The following PDSS1 variants were observed in gnomAD, a reference collection of about 807,000 sequenced individuals.
PDSS1 encodes the protein decaprenyl diphosphate synthase subunit 1, also known as all trans-polyprenyl-diphosphate synthase PDSS1.
Under a neutral mutation model 57.5 loss-of-function variants are expected in PDSS1, and 43 were observed. The ratio of observed to expected loss-of-function variants is 0.75; its 90% CI spans 0.59 to 0.96. The LOEUF (loss-of-function observed/expected upper bound fraction) is 0.96, where lower values mean the gene tolerates loss of function less well. Ranked by LOEUF, PDSS1 falls within the 50% of genes least tolerant of loss-of-function variation. The pLI, the probability that PDSS1 is intolerant of heterozygous loss-of-function variation, is 0.00. For synonymous variants in PDSS1, 175 were observed against 191.3 expected, an observed-to-expected ratio of 0.91 and a Z score of 0.70; for missense variants, 438 against 527.8, an observed-to-expected ratio of 0.83 and a Z score of 1.67.
In PDSS1 at chr10:26,735,125, AGT is replaced by A. The variant is rs1443547972; in HGVS notation, c.832-110_832-109del. On this transcript the variant is annotated intron_variant, in intron 8 of 11. Coordinates refer to ENST00000376215, the MANE Select transcript of PDSS1 (RefSeq NM_014317.5). ...GTCCCTCTGATGTCAGCATCTCCTG[AGT>A]GTGTATAATCTAGCCCCGCTGCCTC... The A allele has an allele frequency of 1.7e-5, 13 of 777,662 alleles. No homozygotes were observed. In the East Asian group the frequency reaches 2.4e-4, roughly 15 times the overall value. 48.2% of individuals were successfully genotyped at this position (777,662 alleles called of 1,614,324 possible).
chr10:26,706,230 T>C (rs1405435466), intron 4 of PDSS1, among the ~76,000 whole-genome samples: 1 of 152,166 alleles, frequency 6.6e-6, no homozygotes, highest in Non-Finnish European at 1.5e-5. Flanking sequence ...GATCCCGCCA[T>C]TGCACTCCAG....
rs1677729 is a variant in PDSS1, at chr10:26,705,032, G to A, written c.228-254G>A. Among the ~76,000 whole-genome samples, 114,165 of 151,794 alleles carry A rather than the reference G, an allele frequency of 0.75. 43,247 individuals are homozygous for A. The highest frequency in any genetic ancestry group is 1 in the East Asian group (5,162 of 5,182). On this transcript the variant is annotated intron_variant, in intron 3 of 11. Transcript: ENST00000376215. The stretch of plus-strand genomic sequence containing the variant: ...TAATAAAGTTTGAGCTCAACCCAGA[G>A]CACAATGAACATAGTTTAGTTTTTC...
intron 5 of PDSS1, chr10:26,715,742 G>A (rs1835552931): frequency 6.6e-6 from 1 of 152,188 alleles, no homozygotes; most frequent in African/African-American, 2.4e-5. Context: ...AGAACTGAAT[G>A]CTGGTTAGTC....
intron 10 of PDSS1, 29 bp downstream of exon 10, chr10:26,735,608 T>A (rs1343691002): frequency 8.2e-7 from 1 of 1,219,248 alleles, no homozygotes; most frequent in Non-Finnish European, 1.2e-6. Flanking sequence ...CTTTGACACA[T>A]CACTGCATAG....
chr10:26,741,156 A>G (rs552711900), intron 10 of PDSS1, among the ~76,000 whole-genome samples: 1 of 152,256 alleles, frequency 6.6e-6, no homozygotes, highest in Admixed American at 6.5e-5. Flanking sequence ...CAGTATAACC[A>G]AAGTCTCTGG....
intron 11 of PDSS1, among the ~76,000 whole-genome samples, 195 bp downstream of exon 11, chr10:26,742,772 C>T (rs1416637306): frequency 1.3e-5 from 2 of 151,908 alleles, no homozygotes; most frequent in African/African-American, 2.4e-5. Context: ...AGACTACTTA[C>T]GAAATGTTTT....
intron 8 of PDSS1, 62 bp downstream of exon 8, chr10:26,724,185 T>A (rs900323696): frequency 8.7e-7 from 1 of 1,149,798 alleles, no homozygotes. Flanking sequence ...GAGCTAATTT[T>A]CCTAGAAAAT....
intron 2 of PDSS1, 56 bp from the exon 3 acceptor site, chr10:26,704,621 A>G (rs1026771055): frequency 2.0e-5 from 16 of 810,396 alleles, no homozygotes; most frequent in African/African-American, 5.0e-5. Context: ...TTATCATCCA[A>G]TGTTACAGTT....
At chr10:26,702,618 C>T (rs936382752) in intron 2 of PDSS1, among the ~76,000 whole-genome samples, 5 of 152,212 alleles carry the variant, frequency 3.3e-5, no homozygotes, top group African/African-American at 1.2e-4. Flanking sequence ...GTCAGTTACA[C>T]CTCTTTCTTT....
intron 8 of PDSS1, among the ~76,000 whole-genome samples, chr10:26,734,985 G>A (rs1836341904): frequency 6.6e-6 from 1 of 152,222 alleles, no homozygotes; most frequent in Non-Finnish European, 1.5e-5. Context: ...CAGTGGGAAA[G>A]GCTGCTTATC....
chr10:26,704,039 G>A (rs1221467333), intron 2 of PDSS1, among the ~76,000 whole-genome samples: 1 of 118,286 alleles, frequency 8.5e-6, no homozygotes, highest in Non-Finnish European at 1.7e-5. Flanking sequence ...CCGAGATAGC[G>A]CCACTGCACT....
At chr10:26,729,904 CTTTTTTTTTTTTTTT>C (rs71403886) in intron 8 of PDSS1, among the ~76,000 whole-genome samples, 286 of 75,366 alleles carry the variant, frequency 3.8e-3, no homozygotes, top group African/African-American at 0.014. Context: ...TAGTTGGTTC[CTTTTTTTTTTTTTTT>C]TTTTTTTTTT....
chr10:26,736,506 A>G (rs1836408539), intron 10 of PDSS1, among the ~76,000 whole-genome samples: 1 of 152,190 alleles, frequency 6.6e-6, no homozygotes, highest in Non-Finnish European at 1.5e-5. Context: ...CATGTCCTCC[A>G]TAAAATTCAG....
chr10:26,697,860 G>C lies in PDSS1; in HGVS notation c.129+20G>C. On this transcript the variant is annotated intron_variant, in intron 1 of 11. Transcript: ENST00000376215. ...GCGCAGGTGAGGTTGGGAGGCGCGC[G>C]CCCGGCGGGGCTCAGAGGTCACGGC... 7.7e-7 allele frequency: 1 copy of C among 1,292,740 alleles called. No individual in the cohort carries two copies. The highest frequency in any genetic ancestry group is 9.9e-7 in the Non-Finnish European group (1 of 1,013,848). 80.1% of individuals were successfully genotyped at this position (1,292,740 alleles called of 1,614,324 possible).
intron 8 of PDSS1, among the ~76,000 whole-genome samples, chr10:26,724,440 T>C (rs1364990450): frequency 6.6e-6 from 1 of 152,228 alleles, no homozygotes; most frequent in Non-Finnish European, 1.5e-5. Context: ...ATTTCTCTAA[T>C]GATTGATATC....
In PDSS1 at chr10:26,701,809, C is replaced by T. The variant is rs115093698; in HGVS notation, c.130-353C>T. 1,835 of 454,134 alleles carry T rather than the reference C, an allele frequency of 4.0e-3. 20 individuals are homozygous for T. Among genetic ancestry groups the T allele is most frequent in the African/African-American group, 0.032 (1,617 of 50,108 alleles). 28.1% of individuals were successfully genotyped at this position (454,134 alleles called of 1,614,324 possible). On this transcript the variant is annotated intron_variant, in intron 1 of 11. Coordinates refer to ENST00000376215, the MANE Select transcript of PDSS1 (RefSeq NM_014317.5). ...AGGAGGGCCACCGTGCTCTAGACCC[C>T]AGAATGGTAGGTCCACCAACAGCTT...
intron 5 of PDSS1, among the ~76,000 whole-genome samples, chr10:26,717,082 A>G (rs948780921): frequency 6.6e-6 from 1 of 152,192 alleles, no homozygotes; most frequent in African/African-American, 2.4e-5. Context: ...GCTGAACTGG[A>G]TAAAAAATAC....
intron 5 of PDSS1, among the ~76,000 whole-genome samples, chr10:26,713,862 CCT>C (rs1461495569): frequency 6.6e-6 from 1 of 152,026 alleles, no homozygotes; most frequent in Non-Finnish European, 1.5e-5. Flanking sequence ...TCAAGGATTG[CCT>C]TGGTTACAAA....
At chr10:26,729,358 G>GT (rs1451918501) in intron 8 of PDSS1, among the ~76,000 whole-genome samples, 1 of 152,166 alleles carries the variant, frequency 6.6e-6, no homozygotes, top group Admixed American at 6.5e-5. Flanking sequence ...ATACATGTAT[G>GT]TATTATATGT....
Sources: gnomAD v4.1 joint callset for allele counts (sites outside exome capture counted in the v4.1 genomes callset) on GRCh38, gnomAD v4.1.1 for gene constraint, MANE v1.5 for transcripts, NCBI Gene and HGNC (gene_info 2026-07-23, HGNC 2026-07-21) for gene names.